EPB41L3: variants seen among roughly 807,000 people sequenced by gnomAD.
The protein encoded by EPB41L3 is erythrocyte membrane protein band 4.1 like 3.
EPB41L3 carries 57 observed loss-of-function variants against 127.1 expected under a neutral mutation model. That is an observed-to-expected ratio of 0.45 (90% CI 0.36 to 0.56). EPB41L3 has a LOEUF of 0.56. EPB41L3 is among the 20% of genes least tolerant of loss of function. EPB41L3 has a pLI of 0.00. For missense variants in EPB41L3, 1,273 were observed against 1,372.2 expected (o/e 0.93, Z 1.14); for synonymous variants, 572 against 549.5 (o/e 1.04, Z -0.57).
intron 3 of EPB41L3, among the ~76,000 whole-genome samples, chr18:5,565,286 C>T (rs2094183776): frequency 2.0e-5 from 3 of 151,622 alleles, no homozygotes; most frequent in African/African-American, 7.3e-5. Context: ...GCAGTGTGTG[C>T]CTGTAATCCC....
At position 5,489,120 on chromosome 18, in the gene EPB41L3, C is replaced by T; in HGVS notation, c.64G>A (p.Ala22Thr). ...CCCGCGCGCCCCTGCGCCCCCGCCG[C>T]CTCCTGGGGCTCGGCCTCCTGGTCC... ...KPDQEAEPQE[A>T]AGAQGRAGAP... Residue 22 changes from alanine to threonine, a missense_variant, in exon 2 of 23, where the codon GCG becomes ACG. Ala to Thr is a moderately conservative substitution (Grantham distance 58, BLOSUM62 0). Transcript: ENST00000341928. 3.1e-6 allele frequency: 5 copies of T among 1,594,786 alleles called. No individual in the cohort carries two copies. The highest frequency in any genetic ancestry group is 4.3e-6 in the Non-Finnish European group (5 of 1,174,832).
chr18:5,465,092 C>A (rs1325909394), intron 3 of EPB41L3, among the ~76,000 whole-genome samples: 1 of 152,172 alleles, frequency 6.6e-6, no homozygotes. Context: ...GCAACAGAAC[C>A]TTAGCTACAT....
At chr18:5,420,709 A>C (rs1209117452) in intron 11 of EPB41L3, among the ~76,000 whole-genome samples, 1 of 152,202 alleles carries the variant, frequency 6.6e-6, no homozygotes, top group African/African-American at 2.4e-5. Flanking sequence ...ATGCTTAATT[A>C]AGTTTTAAAA....
intron 3 of EPB41L3, among the ~76,000 whole-genome samples, chr18:5,599,565 A>G (rs2094569323): frequency 6.6e-6 from 1 of 152,130 alleles, no homozygotes; most frequent in South Asian, 2.1e-4. Flanking sequence ...AAGGGTTAAC[A>G]TCATCCCCTT....
chr18:5,484,486 T>C lies in EPB41L3; in HGVS notation c.183+4515A>G, dbSNP rs914287104. 3.3e-5 allele frequency among the ~76,000 whole-genome samples: 5 copies of C among 149,706 alleles called. No individual in the cohort carries two copies. The South Asian group carries it at 1.1e-3, about 31-fold the overall frequency. ...CCCAAATTAGGAAAAAAAGAAATGA[T>C]GATGATCAGAGCAGAAATAAATGAA... is the stretch of plus-strand genomic sequence containing the variant. On this transcript the variant is annotated intron_variant, in intron 2 of 22. Transcript: ENST00000341928.
intron 3 of EPB41L3, among the ~76,000 whole-genome samples, chr18:5,596,168 A>G (rs1263712280): frequency 6.6e-6 from 1 of 152,182 alleles, no homozygotes; most frequent in African/African-American, 2.4e-5. Flanking sequence ...AATGAGCCAT[A>G]TGACTTCTGA....
At chr18:5,626,131 T>C (rs1219631328) in intron 1 of EPB41L3, among the ~76,000 whole-genome samples, 1 of 152,120 alleles carries the variant, frequency 6.6e-6, no homozygotes, top group African/African-American at 2.4e-5. Context: ...AGCTCCCACA[T>C]CTGGCATTCT....
At chr18:5,421,352 A>G (rs1259536019) in intron 11 of EPB41L3, among the ~76,000 whole-genome samples, 1 of 152,252 alleles carries the variant, frequency 6.6e-6, no homozygotes, top group Non-Finnish European at 1.5e-5. Flanking sequence ...TACTGATAAC[A>G]TATAGAAATA....
chr18:5,458,517 G>A (rs1049203874), intron 3 of EPB41L3, among the ~76,000 whole-genome samples: 5 of 152,148 alleles, frequency 3.3e-5, no homozygotes, highest in African/African-American at 4.8e-5. Flanking sequence ...TCTGATTAGT[G>A]GGTGTGATCA....
chr18:5,464,114 A>G (rs2084528604), intron 3 of EPB41L3, among the ~76,000 whole-genome samples: 1 of 152,178 alleles, frequency 6.6e-6, no homozygotes, highest in Non-Finnish European at 1.5e-5. Flanking sequence ...CATCTGCCCC[A>G]ACAATGAAAG....
chr18:5,428,547 G>A, intron 8 of EPB41L3, 82 bp from the exon 9 acceptor site: 4 of 1,511,062 alleles, frequency 2.6e-6, no homozygotes, highest in East Asian at 2.3e-5. Flanking sequence ...AAGCATCCAC[G>A]ACAGAAACTA....
intron 6 of EPB41L3, among the ~76,000 whole-genome samples, chr18:5,435,490 T>A (rs1013236094): frequency 6.6e-6 from 1 of 152,222 alleles, no homozygotes; most frequent in African/African-American, 2.4e-5. Flanking sequence ...ATACTTACCA[T>A]TGTGTTATAA....
intron 3 of EPB41L3, among the ~76,000 whole-genome samples, chr18:5,596,225 G>A (rs1226544465): frequency 6.6e-6 from 1 of 152,152 alleles, no homozygotes; most frequent in East Asian, 1.9e-4. Context: ...GATCACATCA[G>A]AGGGCATGGC....
At position 5,408,273 on chromosome 18, in the gene EPB41L3, C is replaced by CTT. The variant is rs1208956534; in HGVS notation, c.2122-539_2122-538dup. Among the ~76,000 whole-genome samples the CTT allele has an allele frequency of 4.8e-3, 241 of 50,474 alleles. 5 individuals carry two copies. The highest frequency in any genetic ancestry group is 7.6e-3 in the East Asian group (6 of 794). 33.1% of individuals were successfully genotyped at this position (50,474 alleles called of 152,430 possible). ...AGACCTTGATTTTCTTTTCTTTTTT[C>CTT]TTTTTTTTTTTTTTTTTTGAGACAG... On this transcript the variant is annotated intron_variant, in intron 14 of 22. Coordinates refer to ENST00000341928, the MANE Select transcript of EPB41L3 (RefSeq NM_012307.5).
chr18:5,419,750 T>A lies in EPB41L3; in HGVS notation c.1467A>T (p.Glu489Asp). 6.2e-7 allele frequency: 1 copy of A among 1,614,202 alleles called. No individual in the cohort carries two copies. The highest frequency in any genetic ancestry group is 1.1e-5 in the South Asian group (1 of 91,084). ...DEEEDKRRKG[E>D]EVTPISAIRH... ...GGATGGCCGAGATGGGCGTGACTTC[T>A]TCCCCCTTCCTCCGTTTGTCCTCTT... The change falls in exon 12 of 23, where the codon GAA becomes GAT. Residue 489 changes from glutamate (E) to aspartate (D), a missense_variant. Physicochemically the swap from Glu to Asp is conservative, Grantham distance 45. Coordinates refer to ENST00000341928, the MANE Select transcript of EPB41L3 (RefSeq NM_012307.5).
chr18:5,427,002 C>T (rs2078276588), intron 9 of EPB41L3, among the ~76,000 whole-genome samples: 1 of 151,846 alleles, frequency 6.6e-6, no homozygotes, highest in South Asian at 2.1e-4. Flanking sequence ...CTTTATGTTT[C>T]AATTTTTTTG....
At chr18:5,556,306 G>A (rs1019884346) in intron 3 of EPB41L3, among the ~76,000 whole-genome samples, 2 of 152,216 alleles carry the variant, frequency 1.3e-5, no homozygotes, top group African/African-American at 4.8e-5. Context: ...TTTAAGTGAA[G>A]CTTGCAATGG....
chr18:5,440,373 T>C (rs1203628937), intron 5 of EPB41L3, among the ~76,000 whole-genome samples: 1 of 152,064 alleles, frequency 6.6e-6, no homozygotes, highest in Admixed American at 6.5e-5. Context: ...AAAAGTCCAG[T>C]TAAATGGGGC....
chr18:5,477,185 G>A (rs1232622188), intron 3 of EPB41L3, among the ~76,000 whole-genome samples: 2 of 152,212 alleles, frequency 1.3e-5, no homozygotes, highest in Admixed American at 6.5e-5. Context: ...TGATATGGGG[G>A]TTGGGAGACA....
Sources: allele counts gnomAD v4.1 joint callset (sites outside exome capture counted in the v4.1 genomes callset), GRCh38; gene constraint gnomAD v4.1.1; transcripts MANE v1.5; gene names NCBI Gene and HGNC (gene_info 2026-07-23, HGNC 2026-07-21).